EEF1AKMT2: variants seen among roughly 807,000 people sequenced by gnomAD.
The protein encoded by EEF1AKMT2 is eukaryotic translation elongation factor 1 alpha lysine methyltransferase 2.
A neutral mutation model predicts 35.8 loss-of-function variants in EEF1AKMT2; 32 were observed. The observed-to-expected ratio is 0.89, with a 90% confidence interval of 0.67 to 1.20. EEF1AKMT2 has a LOEUF of 1.20. Among genes scored for constraint, EEF1AKMT2 ranks in the 50% most tolerant of loss-of-function variants. The pLI, the probability that EEF1AKMT2 is intolerant of heterozygous loss-of-function variation, is 0.00. For synonymous variants in EEF1AKMT2, 121 were observed against 133.7 expected (o/e 0.91, Z 0.65); for missense variants, 330 against 347.5 (o/e 0.95, Z 0.40).
intron 5 of EEF1AKMT2, among the ~76,000 whole-genome samples, chr10:124,764,983 C>CAGA (rs1353984735): frequency 3.9e-5 from 6 of 152,186 alleles, no homozygotes; most frequent in African/African-American, 1.4e-4. Context: ...CTCACTGCAA[C>CAGA]CTCTGCCTCC....
intron 3 of EEF1AKMT2, among the ~76,000 whole-genome samples, chr10:124,787,268 A>C (rs1447022932): frequency 3.9e-5 from 6 of 151,990 alleles, no homozygotes; most frequent in African/African-American, 1.4e-4. Flanking sequence ...CTTATATGGC[A>C]ATAAAAATGA....
chr10:124,772,585 T>A lies in EEF1AKMT2; in HGVS notation c.399+2090A>T, dbSNP rs577187589. 5.9e-5 allele frequency among the ~76,000 whole-genome samples: 9 copies of A among 152,128 alleles called. No homozygotes were observed. The East Asian group carries it at 9.7e-4, about 16-fold the overall frequency. ...CTGGGATTACAGACACCCACCACCA[T>A]GCCCAGCTAACTTTCTGTATTTTTA... On this transcript the variant is annotated intron_variant, in intron 4 of 6. Coordinates refer to ENST00000368836, the MANE Select transcript of EEF1AKMT2 (RefSeq NM_212554.4).
chr10:124,789,146 T>C lies in EEF1AKMT2; in HGVS notation c.188A>G (p.Glu63Gly). Residue 63 changes from glutamate (E) to glycine (G), a missense_variant, in exon 3 of 7, where the codon GAG becomes GGG. Physicochemically the swap from Glu to Gly is moderately conservative, Grantham distance 98. Transcript: ENST00000368836. ...GDTGEIWFGEESMNRLIRWMQ... is the reference protein window; with the variant it reads ...GDTGEIWFGEGSMNRLIRWMQ... ...CCACCTTATTAGTCGATTCATACTC[T>C]CTTCTCCAAACCTGTTAGAGAGAAT... 1 of 1,611,144 alleles carries C rather than the reference T, an allele frequency of 6.2e-7. No homozygotes were observed. The highest frequency in any genetic ancestry group is 8.5e-7 in the Non-Finnish European group (1 of 1,177,778).
At chr10:124,762,939 A>G (rs546193663) in intron 5 of EEF1AKMT2, among the ~76,000 whole-genome samples, 1 of 152,300 alleles carries the variant, frequency 6.6e-6, no homozygotes, top group East Asian at 1.9e-4. Flanking sequence ...AACTAACCCT[A>G]CAGAATTGGA....
At chr10:124,787,969 A>G (rs1479603515) in intron 3 of EEF1AKMT2, among the ~76,000 whole-genome samples, 3 of 152,178 alleles carry the variant, frequency 2.0e-5, no homozygotes, top group Non-Finnish European at 4.4e-5. Flanking sequence ...CACTACTAAA[A>G]ACATTTTAAC....
chr10:124,779,747 C>CA (rs34475748), intron 3 of EEF1AKMT2, among the ~76,000 whole-genome samples: 4,220 of 28,052 alleles, frequency 0.15, 737 homozygotes, highest in Admixed American at 0.2. Context: ...GACTCCATCT[C>CA]AAAAAAAAAA....
At chr10:124,783,137 C>CTTTT (rs34632746) in intron 3 of EEF1AKMT2, among the ~76,000 whole-genome samples, 12 of 85,020 alleles carry the variant, frequency 1.4e-4, no homozygotes, top group East Asian at 7.9e-4. Context: ...AGGGAAAAAC[C>CTTTT]TTTTTTTTTT....
At chr10:124,791,202 T>C (rs1950631343) in intron 1 of EEF1AKMT2, among the ~76,000 whole-genome samples, 1 of 152,108 alleles carries the variant, frequency 6.6e-6, no homozygotes, top group Non-Finnish European at 1.5e-5. Context: ...CATTTAATAA[T>C]TCCTGAGCGT....
At chr10:124,782,603 A>G (rs35378974) in intron 3 of EEF1AKMT2, among the ~76,000 whole-genome samples, 3 of 138,736 alleles carry the variant, frequency 2.2e-5, no homozygotes, top group African/African-American at 5.4e-5. Context: ...AAAAAAAAAA[A>G]GAGTTCAAGA....
Position 124,764,493 on chromosome 10 carries a change from G to C in EEF1AKMT2, c.616+899C>G, listed in dbSNP as rs1381001655. ...CAAAATATTTTGTGTATAGATTACA[G>C]ATTCTCAGTTCTCACAAGATCTCCA... On this transcript the variant is annotated intron_variant, in intron 5 of 6. Coordinates refer to ENST00000368836, the MANE Select transcript of EEF1AKMT2 (RefSeq NM_212554.4). 2.0e-5 allele frequency among the ~76,000 whole-genome samples: 3 copies of C among 152,054 alleles called. No homozygotes were observed. The East Asian group carries it at 5.8e-4, about 29-fold the overall frequency.
At position 124,789,134 on chromosome 10, in the gene EEF1AKMT2, C is replaced by A. The variant is rs4347339; in HGVS notation, c.200G>T (p.Arg67Leu). ...GTGTTTCTGCATCCACCTTATTAGT[C>A]GATTCATACTCTCTTCTCCAAACCT... is the stretch of plus-strand genomic sequence containing the variant. ...EIWFGEESMN[R>L]LIRWMQKHKI... The change falls in exon 3 of 7, where the codon CGA becomes CTA. Residue 67 changes from arginine (R) to leucine (L), a missense_variant. Physicochemically the swap from Arg to Leu is moderately radical, Grantham distance 102. Coordinates refer to ENST00000368836, the MANE Select transcript of EEF1AKMT2 (RefSeq NM_212554.4). 2 of 1,612,826 alleles carry A rather than the reference C, an allele frequency of 1.2e-6. No homozygotes were observed. Among genetic ancestry groups the A allele is most frequent in the African/African-American group, 2.7e-5 (2 of 75,012 alleles).
chr10:124,770,084 A>G (rs934127802), intron 4 of EEF1AKMT2, among the ~76,000 whole-genome samples: 1 of 151,882 alleles, frequency 6.6e-6, no homozygotes, highest in South Asian at 2.1e-4. Flanking sequence ...AGAGTTTGAT[A>G]CCACCCTGGT....
intron 6 of EEF1AKMT2, among the ~76,000 whole-genome samples, chr10:124,761,040 C>G (rs1165238879): frequency 6.6e-6 from 1 of 152,126 alleles, no homozygotes; most frequent in Non-Finnish European, 1.5e-5. Flanking sequence ...GCTAATTTTT[C>G]ATATTTTAGT....
chr10:124,757,311 C>T (rs1169891301), downstream of EEF1AKMT2, among the ~76,000 whole-genome samples: 1 of 151,946 alleles, frequency 6.6e-6, no homozygotes, highest in African/African-American at 2.4e-5. Flanking sequence ...GAGCCAAAAA[C>T]AGGAAATCAA....
chr10:124,756,824 C>A (rs771639318), downstream of EEF1AKMT2, among the ~76,000 whole-genome samples: 2 of 152,146 alleles, frequency 1.3e-5, no homozygotes, highest in Non-Finnish European at 2.9e-5. Context: ...CATTTCTATG[C>A]CCTGAACATA....
At chr10:124,791,174 C>T (rs891502949) in intron 1 of EEF1AKMT2, among the ~76,000 whole-genome samples, 1 of 152,124 alleles carries the variant, frequency 6.6e-6, no homozygotes, top group African/African-American at 2.4e-5. Context: ...TGCAGCCATT[C>T]ATCCACCCAC....
chr10:124,781,393 A>T (rs1035724924), intron 3 of EEF1AKMT2, among the ~76,000 whole-genome samples: 11 of 151,848 alleles, frequency 7.2e-5, no homozygotes, highest in African/African-American at 2.7e-4. Context: ...AGCCCGGCCA[A>T]CATGGTGAAA....
At chr10:124,764,244 T>C (rs1280305550) in intron 5 of EEF1AKMT2, among the ~76,000 whole-genome samples, 3 of 150,724 alleles carry the variant, frequency 2.0e-5, no homozygotes, top group African/African-American at 7.3e-5. Context: ...TTGAGTACCA[T>C]ATTATTTACC....
At chr10:124,757,028 T>C (rs1428385452), downstream of EEF1AKMT2, among the ~76,000 whole-genome samples, 1 of 152,150 alleles carries the variant, frequency 6.6e-6, no homozygotes, top group African/African-American at 2.4e-5. Flanking sequence ...GATTTCCTAA[T>C]TTTTTTCCCC....
Sources: allele counts gnomAD v4.1 joint callset (sites outside exome capture counted in the v4.1 genomes callset), GRCh38; gene constraint gnomAD v4.1.1; transcripts MANE v1.5; gene names NCBI Gene and HGNC (gene_info 2026-07-23, HGNC 2026-07-21).